MYB: variants seen among roughly 807,000 people sequenced by gnomAD.
MYB encodes the protein MYB proto-oncogene, transcription factor, also known as transcriptional activator Myb.
In MYB, 28 loss-of-function variants were observed where a neutral mutation model predicts 92.9. The ratio of observed to expected loss-of-function variants is 0.30; its 90% confidence interval spans 0.22 to 0.41. The LOEUF is 0.41. Among genes scored for constraint, MYB ranks in the 10% least tolerant of loss-of-function variants. The pLI, the probability that MYB is intolerant of heterozygous loss-of-function variation, is 1.00. For synonymous variants in MYB, 295 were observed against 329.1 expected (o/e 0.90, Z 1.12); for missense variants, 679 against 929.3 (o/e 0.73, Z 3.50).
intron 10 of MYB, among the ~76,000 whole-genome samples, chr6:135,198,254 G>A (rs1339031964): frequency 6.6e-6 from 1 of 152,192 alleles, no homozygotes; most frequent in East Asian, 1.9e-4. Context: ...TCAGCCTGGT[G>A]AACATAGCGA....
At position 135,197,112 on chromosome 6, in the gene MYB, A is replaced by G. The variant is rs370481986; in HGVS notation, c.1355A>G (p.Asn452Ser). The G allele has an allele frequency of 7.4e-5, 119 of 1,614,026 alleles. 1 individual carries two copies. The Middle Eastern group carries it at 3.0e-3, about 40-fold the overall frequency. ...GCAGGAGAACCTAGCCCAAGGGTGA[A>G]CAAACGTATGTTGAGTGAGAGTTCA... ...KPAGEPSPRV[N>S]KRMLSESSLD... is the part of the protein sequence containing the mutation. The change falls in exon 10 of 16, where the codon AAC becomes AGC. Residue 452 changes from asparagine (N) to serine (S), a missense_variant. Asn to Ser is a conservative substitution (Grantham distance 46). Around this residue, in one of 8 missense-constraint regions of MYB, gnomAD observed 402 missense variants for 434.2 expected, o/e 0.93. Coordinates refer to ENST00000341911, the MANE Select transcript of MYB (RefSeq NM_001130173.2).
At chr6:135,192,965 T>G (rs1776815764) in intron 6 of MYB, among the ~76,000 whole-genome samples, 1 of 152,190 alleles carries the variant, frequency 6.6e-6, no homozygotes, top group African/African-American at 2.4e-5. Context: ...GAAGGTAGTA[T>G]TATGTTTAAA....
chr6:135,216,007 C>T (rs1186661722), intron 15 of MYB, among the ~76,000 whole-genome samples: 1 of 152,174 alleles, frequency 6.6e-6, no homozygotes, highest in South Asian at 2.1e-4. Context: ...GGAATAGTGC[C>T]TTTTCTAACC....
rs1780763606 is a variant in MYB at position 135,218,995 on chromosome 6, T to A, written c.*1015T>A. 8.9e-6 allele frequency: 2 copies of A among 225,390 alleles called. No individual in the cohort carries two copies. The highest frequency in any genetic ancestry group is 1.8e-5 in the Non-Finnish European group (2 of 112,790). The allele number at this position is 225,390 out of a possible 1,614,324, so 14.0% of individuals were successfully genotyped here. ...GCATCCCCTGTGGTTTCTAAGTGTA[T>A]GGTCTCAGAACTGTTGCATGGATCC... On this transcript the variant is annotated 3_prime_UTR_variant, in exon 16 of 16. Coordinates refer to ENST00000341911, the MANE Select transcript of MYB (RefSeq NM_001130173.2).
At chr6:135,183,006 G>GTTTT (rs3071602) in intron 1 of MYB, among the ~76,000 whole-genome samples, 1 of 92,440 alleles carries the variant, frequency 1.1e-5, no homozygotes, top group Non-Finnish European at 2.1e-5. Flanking sequence ...GGGGTCATCT[G>GTTTT]TTTTTTTTTT....
intron 2 of MYB, among the ~76,000 whole-genome samples, chr6:135,187,591 T>C (rs924306496): frequency 1.3e-5 from 2 of 152,210 alleles, no homozygotes; most frequent in African/African-American, 4.8e-5. Context: ...ATGGCAATAC[T>C]AAGGCCCAGA....
At chr6:135,201,875 C>A in intron 14 of MYB, 126 bp downstream of exon 14, 1 of 436,212 alleles carries the variant, frequency 2.3e-6, no homozygotes. Context: ...TCTAAATGTT[C>A]TCCTGCACAT....
At chr6:135,193,200 A>C (rs1776850879) in intron 6 of MYB, among the ~76,000 whole-genome samples, 1 of 152,216 alleles carries the variant, frequency 6.6e-6, no homozygotes, top group Non-Finnish European at 1.5e-5. Flanking sequence ...GGAAAGTGAT[A>C]ATCCATAATA....
At position 135,181,591 on chromosome 6, in the gene MYB, G is replaced by A; in HGVS notation, c.23+55G>A. The A allele has an allele frequency of 9.0e-7, 1 of 1,106,474 alleles. No individual in the cohort carries two copies. Among genetic ancestry groups the A allele is most frequent in the Non-Finnish European group, 1.1e-6 (1 of 893,476 alleles). The allele number at this position is 1,106,474 out of a possible 1,614,324, so 68.5% of individuals were successfully genotyped here. On this transcript the variant is annotated intron_variant, in intron 1 of 15. Coordinates refer to ENST00000341911, the MANE Select transcript of MYB (RefSeq NM_001130173.2). This position sits in a 1 kb window ranked among gnomAD's most constrained non-coding sequence, Gnocchi z 5.3. The stretch of plus-strand genomic sequence containing the variant: ...GCGGGGGCGCGCGGGGGCGCGCGGG[G>A]CGCCAGGCTCCCGGGAGCAGGTGGG...
Position 135,182,358 on chromosome 6 carries a change from A to G in MYB, c.23+822A>G, listed in dbSNP as rs1286548722. Reference sequence around the variant, plus strand: ...GTCAGTTGCTCGTTCCCCAGTCTCCACCGGCCTCTGGACTTTCCCAGCAGC... The same window carrying G: ...GTCAGTTGCTCGTTCCCCAGTCTCCGCCGGCCTCTGGACTTTCCCAGCAGC... On this transcript the variant is annotated intron_variant, in intron 1 of 15. Transcript: ENST00000341911. This position sits in a 1 kb window ranked among gnomAD's most constrained non-coding sequence, Gnocchi z 5.6. 1.3e-5 allele frequency among the ~76,000 whole-genome samples: 2 copies of G among 152,150 alleles called. No homozygotes were observed. Among genetic ancestry groups the G allele is most frequent in the Admixed American group, 6.5e-5 (1 of 15,288 alleles).
intron 11 of MYB, among the ~76,000 whole-genome samples, chr6:135,199,324 G>T (rs549430626): frequency 2.0e-5 from 3 of 151,902 alleles, no homozygotes; most frequent in Non-Finnish European, 4.4e-5. Context: ...TTTTCCATTC[G>T]GTTTGTTTGT....
chr6:135,190,802 TA>T lies in MYB; in HGVS notation c.527+456del, dbSNP rs1776528095. ...CATTTCTTTTATTTTTTTTAATTAT[TA>T]TTTTTTAGAGACAGAGGCTTGTTCT... On this transcript the variant is annotated intron_variant, in intron 5 of 15. Coordinates refer to ENST00000341911, the MANE Select transcript of MYB (RefSeq NM_001130173.2). This position sits in a 1 kb window ranked among gnomAD's most constrained non-coding sequence, Gnocchi z 4.5. Among the ~76,000 whole-genome samples the T allele has an allele frequency of 6.6e-6, 1 of 152,160 alleles. No individual in the cohort carries two copies. Among genetic ancestry groups the T allele is most frequent in the Admixed American group, 6.5e-5 (1 of 15,274 alleles).
intron 15 of MYB, among the ~76,000 whole-genome samples, chr6:135,207,154 G>A (rs1026305054): frequency 5.9e-5 from 9 of 152,118 alleles, no homozygotes; most frequent in African/African-American, 2.2e-4. Flanking sequence ...TAAATGATAT[G>A]TATTTTACTT....
At position 135,197,199 on chromosome 6, in the gene MYB, G is replaced by C; in HGVS notation, c.1442G>C (p.Arg481Pro). The change falls in exon 10 of 16, where the codon CGA becomes CCA. Residue 481 changes from arginine to proline, a missense_variant. This residue lies in a region of MYB where 402 missense variants were observed against 434.2 expected (regional missense o/e 0.93). Coordinates refer to ENST00000341911, the MANE Select transcript of MYB (RefSeq NM_001130173.2). ...AGCACAATTCCACTGGTCATCCTTC[G>C]AAAAAAACGGGGCCAGGCCAGCCCC... ...RHSTIPLVIL[R>P]KKRGQASPLA... 1 of 1,613,808 alleles carries C rather than the reference G, an allele frequency of 6.2e-7. No homozygotes were observed. Among genetic ancestry groups the C allele is most frequent in the East Asian group, 2.2e-5 (1 of 44,866 alleles).
intron 15 of MYB, among the ~76,000 whole-genome samples, chr6:135,208,158 A>C (rs1779228996): frequency 6.9e-6 from 1 of 145,486 alleles, no homozygotes; most frequent in South Asian, 2.1e-4. Context: ...GGCTCACTGC[A>C]ACCTCCACCT....
In MYB at chr6:135,182,450, C is replaced by T. The variant is rs1055398195; in HGVS notation, c.23+914C>T. Among the ~76,000 whole-genome samples, 1 of 152,164 alleles carries T rather than the reference C, an allele frequency of 6.6e-6. No homozygotes were observed. Among genetic ancestry groups the T allele is most frequent in the Non-Finnish European group, 1.5e-5 (1 of 68,022 alleles). On this transcript the variant is annotated intron_variant, in intron 1 of 15. Coordinates refer to ENST00000341911, the MANE Select transcript of MYB (RefSeq NM_001130173.2). The surrounding 1 kb of genome is among the most constrained non-coding windows in gnomAD (Gnocchi z 5.6). ...CTCGGCAGCCGTCGCAGTCGCCACT[C>T]GGCTCAAGGGGACAGAGGCCGGCAG... is the stretch of plus-strand genomic sequence containing the variant.
chr6:135,206,650 C>T (rs527566149), intron 15 of MYB, among the ~76,000 whole-genome samples: 3 of 152,070 alleles, frequency 2.0e-5, no homozygotes, highest in South Asian at 2.1e-4. Flanking sequence ...GAGCCCAGAT[C>T]GTGCCATTGA....
Position 135,199,050 on chromosome 6 carries a change from T to C in MYB, c.1709T>C (p.Val570Ala), listed in dbSNP as rs763153391. ...GTGAAAACTCAAAAGGAAAATACTGTGTAAGTCTTTGGTTCAGGAATAAAA... is the reference window on the plus strand; with the variant it reads ...GTGAAAACTCAAAAGGAAAATACTGCGTAAGTCTTTGGTTCAGGAATAAAA... The part of the protein sequence containing the change: ...QTVKTQKENT[V>A]FRTPAIKRSI... The change falls in exon 11 of 16, where the codon GTT (valine) becomes GCT (alanine). Residue 570 changes from valine (V) to alanine (A), a missense_variant and splice_region_variant. Transcript: ENST00000341911. 5.1e-6 allele frequency: 8 copies of C among 1,583,054 alleles called. No individual in the cohort carries two copies. Among genetic ancestry groups the C allele is most frequent in the Non-Finnish European group, 6.9e-6 (8 of 1,167,104 alleles).
chr6:135,194,578 C>T (rs1280565125), intron 8 of MYB, 118 bp downstream of exon 8: 7 of 695,810 alleles, frequency 1.0e-5, no homozygotes, highest in Non-Finnish European at 1.7e-5. Context: ...TTCAGAATGT[C>T]TCAACACAAG....
Sources: gnomAD v4.1 joint callset for allele counts (sites outside exome capture counted in the v4.1 genomes callset) on GRCh38, gnomAD v4.1.1 for gene constraint, gnomAD v4.1.1 regional missense constraint, Gnocchi (gnomAD v3.1) non-coding constraint, MANE v1.5 for transcripts, NCBI Gene and HGNC (gene_info 2026-07-23, HGNC 2026-07-21) for gene names.